Variants in NELL1 observed in about 807,000 individuals in gnomAD.
NELL1 encodes protein kinase C-binding protein NELL1.
In NELL1, 76 loss-of-function variants were observed where a neutral mutation model predicts 107.4. The ratio of observed to expected loss-of-function variants is 0.71; its 90% CI spans 0.59 to 0.86. The LOEUF is 0.86. NELL1 is among the 40% of genes least tolerant of loss of function. The pLI is 0.00. For missense variants in NELL1, 1,024 were observed against 1,005.5 expected, an observed-to-expected ratio of 1.02 and a Z score of -0.25; for synonymous variants, 353 against 341.2, an observed-to-expected ratio of 1.03 and a Z score of -0.38.
Position 20,815,969 on chromosome 11 carries a change from TG to T in NELL1, c.336-31613del, listed in dbSNP as rs372749943. The stretch of plus-strand genomic sequence containing the variant: ...ACCAAAGATCAGATGATTGTAGGTG[TG>T]TGGTTTCATTTTCAGGGTCTCCATT... On this transcript the variant is annotated intron_variant, in intron 3 of 19. Transcript: ENST00000357134. Among the ~76,000 whole-genome samples, 1,513 of 152,266 alleles carry T rather than the reference TG, an allele frequency of 9.9e-3. 14 individuals are homozygous for T. The highest frequency in any genetic ancestry group is 0.027 in the Middle Eastern group (8 of 294).
intron 4 of NELL1, among the ~76,000 whole-genome samples, chr11:20,871,459 A>G (rs912897543): frequency 6.6e-5 from 10 of 152,206 alleles, no homozygotes. Context: ...GTCTGCCTAT[A>G]TATTATCTAT....
rs1850127058 is a variant in NELL1, at chr11:21,326,060, T to TTG, written c.1550-44792_1550-44791insGT. Among the ~76,000 whole-genome samples, 4 of 81,694 alleles carry TTG rather than the reference T, an allele frequency of 4.9e-5. No individual in the cohort carries two copies. The South Asian group carries it at 2.0e-3, about 40-fold the overall frequency. The allele number at this position is 81,694 out of a possible 152,430, so 53.6% of individuals were successfully genotyped here. A position where few individuals can be genotyped will look rare whatever the true frequency, so the allele number is the denominator to read the frequency against. On this transcript the variant is annotated intron_variant, in intron 14 of 19. Coordinates refer to ENST00000357134, the MANE Select transcript of NELL1 (RefSeq NM_006157.5). Reference sequence around the variant, plus strand: ...TTGTGTTAATCCTAGTTTTTTTTTTTTTTTTTTTTTTTTTTTTTTTTGGGC... The same window carrying TTG: ...TTGTGTTAATCCTAGTTTTTTTTTTTTGTTTTTTTTTTTTTTTTTTTTTGGGC...
intron 15 of NELL1, among the ~76,000 whole-genome samples, chr11:21,483,027 G>T (rs1017233362): frequency 6.6e-6 from 1 of 150,974 alleles, no homozygotes; most frequent in East Asian, 2.0e-4. Flanking sequence ...TTGCTCTGTC[G>T]CCCAGGCTGG....
rs757837945 is a variant in NELL1 at position 20,726,546 on chromosome 11, T to TA, written c.184+48496dup. Among the ~76,000 whole-genome samples the TA allele has an allele frequency of 3.1e-3, 460 of 148,618 alleles. 2 individuals are homozygous for TA. The highest frequency in any genetic ancestry group is 8.7e-3 in the African/African-American group (352 of 40,646). On this transcript the variant is annotated intron_variant, in intron 2 of 19. Coordinates refer to ENST00000357134, the MANE Select transcript of NELL1 (RefSeq NM_006157.5). Reference sequence around the variant, plus strand: ...AGTAGAAAAATCTTTGTTCCTGCTTTAAAAAAAAAACACTCAATATTATGT... The same window carrying TA: ...AGTAGAAAAATCTTTGTTCCTGCTTTAAAAAAAAAAACACTCAATATTATGT...
At chr11:20,711,375 A>G (rs1855109666) in intron 2 of NELL1, among the ~76,000 whole-genome samples, 1 of 152,120 alleles carries the variant, frequency 6.6e-6, no homozygotes, top group African/African-American at 2.4e-5. Context: ...AGGCCATTCA[A>G]TTCAATGTTA....
chr11:21,161,348 G>C (rs1028986458), intron 13 of NELL1, among the ~76,000 whole-genome samples: 1 of 152,074 alleles, frequency 6.6e-6, no homozygotes, highest in African/African-American at 2.4e-5. Flanking sequence ...GACTAGCCTG[G>C]CCAACATAGC....
At chr11:21,161,103 A>C (rs1240107137) in intron 13 of NELL1, among the ~76,000 whole-genome samples, 1 of 152,138 alleles carries the variant, frequency 6.6e-6, no homozygotes, top group African/African-American at 2.4e-5. Flanking sequence ...TAAACTAAAA[A>C]GTATCAGGAA....
intron 15 of NELL1, among the ~76,000 whole-genome samples, chr11:21,388,090 T>C (rs111854347): frequency 3.3e-5 from 5 of 151,646 alleles, no homozygotes; most frequent in African/African-American, 9.7e-5. Flanking sequence ...TTTTTTTTTT[T>C]TTCTGGTATG....
chr11:21,055,796 T>C (rs1321596006), intron 12 of NELL1, among the ~76,000 whole-genome samples: 1 of 152,106 alleles, frequency 6.6e-6, no homozygotes, highest in Non-Finnish European at 1.5e-5. Context: ...TCCTATACAG[T>C]TAAGGACTGT....
At position 21,266,655 on chromosome 11, in the gene NELL1, TG is replaced by T. The variant is rs540583333; in HGVS notation, c.1549+37203del. Among the ~76,000 whole-genome samples the T allele has an allele frequency of 1.4e-4, 22 of 152,182 alleles. No homozygotes were observed. The South Asian group carries it at 4.4e-3, about 30-fold the overall frequency. On this transcript the variant is annotated intron_variant, in intron 14 of 19. Transcript: ENST00000357134. ...CATCTTCTTTTGACAGTTTAAATATTGGTGGTCCCCGGTTTTGTCATCATCA... is the reference window on the plus strand; with the variant it reads ...CATCTTCTTTTGACAGTTTAAATATTGTGGTCCCCGGTTTTGTCATCATCA...
chr11:21,499,609 GT>G (rs1564926620), intron 15 of NELL1, among the ~76,000 whole-genome samples: 2 of 152,100 alleles, frequency 1.3e-5, no homozygotes, highest in Admixed American at 6.6e-5. Context: ...GTTGTGGCAA[GT>G]TGTAAGTTTT....
intron 14 of NELL1, among the ~76,000 whole-genome samples, chr11:21,278,591 C>T (rs1011458161): frequency 2.0e-5 from 3 of 151,746 alleles, no homozygotes; most frequent in Non-Finnish European, 2.9e-5. Flanking sequence ...AAAACATGGA[C>T]GAGATCTATA....
At chr11:20,867,519 A>G (rs984116825) in intron 4 of NELL1, among the ~76,000 whole-genome samples, 42 of 152,186 alleles carry the variant, frequency 2.8e-4, no homozygotes, top group Admixed American at 3.3e-4. Flanking sequence ...TTGTCTTGCT[A>G]TTCAACTCTG....
intron 15 of NELL1, among the ~76,000 whole-genome samples, chr11:21,463,854 ACT>A (rs1034835045): frequency 2.0e-5 from 3 of 151,948 alleles, no homozygotes; most frequent in African/African-American, 7.3e-5. Flanking sequence ...CAGCTGGAAG[ACT>A]CTAACCTGGA....
intron 13 of NELL1, among the ~76,000 whole-genome samples, chr11:21,221,379 G>A (rs914147004): frequency 6.6e-6 from 1 of 152,010 alleles, no homozygotes; most frequent in Admixed American, 6.6e-5. Context: ...TTAGTATCAG[G>A]GTAATACTGG....
intron 5 of NELL1, among the ~76,000 whole-genome samples, chr11:20,909,978 G>T (rs1850088927): frequency 6.6e-6 from 1 of 152,104 alleles, no homozygotes; most frequent in Admixed American, 6.5e-5. Flanking sequence ...AAACTCAGGG[G>T]CTTATGTCAG....
chr11:20,884,871 GT>G (rs1849476093), intron 4 of NELL1, among the ~76,000 whole-genome samples: 3 of 152,152 alleles, frequency 2.0e-5, no homozygotes, highest in African/African-American at 7.2e-5. Context: ...ATATTTGTTG[GT>G]TGGACGATGA....
Position 21,534,509 on chromosome 11 carries a change from G to A in NELL1, c.1781G>A (p.Cys594Tyr), listed in dbSNP as rs775373420. ...ACCTATTCACTGTCCGGGGAGTCCT[G>A]TATTGGTAAGCAGCTTTCAGGCATG... ...DGTYSLSGES[C>Y]IDIDECALRT... Residue 594 changes from cysteine to tyrosine, a missense_variant, in exon 16 of 20, where the codon TGT becomes TAT. By Grantham distance (194) the Cys-to-Tyr change is radical. Transcript: ENST00000357134. 2 of 1,613,716 alleles carry A rather than the reference G, an allele frequency of 1.2e-6. No homozygotes were observed. Among genetic ancestry groups the A allele is most frequent in the Non-Finnish European group, 8.5e-7 (1 of 1,179,750 alleles).
intron 14 of NELL1, among the ~76,000 whole-genome samples, chr11:21,236,596 C>A (rs1206725776): frequency 6.6e-6 from 1 of 152,096 alleles, no homozygotes; most frequent in African/African-American, 2.4e-5. Context: ...TGCTGAAAGT[C>A]CTATAGACAC....
Sources: gnomAD v4.1 joint callset for allele counts (sites outside exome capture counted in the v4.1 genomes callset) on GRCh38, gnomAD v4.1.1 for gene constraint, MANE v1.5 for transcripts, NCBI Gene and HGNC (gene_info 2026-07-23, HGNC 2026-07-21) for gene names.